FUNDC1: variants seen among roughly 807,000 people sequenced by gnomAD.
FUNDC1 encodes FUN14 domain-containing protein 1.
FUNDC1 carries 10 observed loss-of-function variants against 14.5 expected under a neutral mutation model. That is an observed-to-expected ratio of 0.69 (90% CI 0.43 to 1.17). FUNDC1 has a LOEUF of 1.17. Ranked by LOEUF, FUNDC1 falls within the 50% of genes most tolerant of loss-of-function variation. The pLI, the probability that FUNDC1 is intolerant of heterozygous loss-of-function variation, is 0.00. For synonymous variants in FUNDC1, 33 were observed against 39.7 expected (o/e 0.83, Z 0.64); for missense variants, 115 against 113.8 (o/e 1.01, Z -0.05).
chrX:44,524,273 T>G lies in FUNDC1; in HGVS notation c.393A>C (p.Ala131=). Residue 131 remains alanine (A), a splice_region_variant and synonymous_variant, in exon 5 of 5, where the codon GCA becomes GCC. Coordinates refer to ENST00000378045, the MANE Select transcript of FUNDC1 (RefSeq NM_173794.4). Reference sequence around the variant, plus strand: ...CAATGTTCTGCTTGATAAATTCTGTTGCCTGAAACAAAGTTTAAACAAAAA... The same window carrying G: ...CAATGTTCTGCTTGATAAATTCTGTGGCCTGAAACAAAGTTTAAACAAAAA... ...APEINNLIEE[A]TEFIKQNIVI... is the part of the protein sequence containing the mutation. 1 of 1,186,217 alleles carries G rather than the reference T, an allele frequency of 8.4e-7. No individual in the cohort carries two copies. Among genetic ancestry groups the G allele is most frequent in the Non-Finnish European group, 1.1e-6 (1 of 873,102 alleles).
Position 44,542,809 on chromosome X carries a change from G to T in FUNDC1, c.24C>A (p.Pro8=), listed in dbSNP as rs1320137915. 3 of 1,169,616 alleles carry T rather than the reference G, an allele frequency of 2.6e-6. No individual in the cohort carries two copies. The highest frequency in any genetic ancestry group is 2.5e-5 in the Admixed American group (1 of 39,354). MATRNPP[P]QDYESDDDSY... is the part of the protein sequence containing the mutation. ...CTTCGGGCCCTGGCCGCTCACCTTG[G>T]GGAGGGGGGTTCCGGGTCGCCATGA... The change falls in exon 1 of 5, where the codon CCC becomes CCA. Residue 8 remains proline, a synonymous_variant. Coordinates refer to ENST00000378045, the MANE Select transcript of FUNDC1 (RefSeq NM_173794.4).
At position 44,524,407 on chromosome X, in the gene FUNDC1, C is replaced by T. The variant is rs767515675; in HGVS notation, c.391-132G>A. On this transcript the variant is annotated intron_variant, in intron 4 of 4. Transcript: ENST00000378045. ...ACATGATTCTGCTCGTATGAGTAGT[C>T]AGAAAGCAGAATACAGATCATTAAG... 2.4e-4 allele frequency: 109 copies of T among 462,802 alleles called. 1 individual carries two copies. The South Asian group carries it at 3.5e-3, about 15-fold the overall frequency. 38.1% of individuals were successfully genotyped at this position (462,802 alleles called of 1,213,427 possible).
intron 1 of FUNDC1, 38 bp downstream of exon 1, chrX:44,542,767 C>G (rs1245817885): frequency 1.6e-5 from 18 of 1,148,367 alleles, no homozygotes; most frequent in Non-Finnish European, 1.2e-6. Context: ...GAGCTGTGAG[C>G]CGCGTCCCAG....
In FUNDC1 at chrX:44,536,890, A is replaced by G. The variant is rs17144662; in HGVS notation, c.261+1577T>C. ...TAAGATGGCAGTGTAATAAATATCTATTGGAAAACACTTGATATTGTTACT... is the reference window on the plus strand; with the variant it reads ...TAAGATGGCAGTGTAATAAATATCTGTTGGAAAACACTTGATATTGTTACT... On this transcript the variant is annotated intron_variant, in intron 3 of 4. Coordinates refer to ENST00000378045, the MANE Select transcript of FUNDC1 (RefSeq NM_173794.4). 8.5e-3 allele frequency among the ~76,000 whole-genome samples: 955 copies of G among 112,241 alleles called. 8 individuals carry two copies. Among genetic ancestry groups the G allele is most frequent in the African/African-American group, 0.029 (901 of 31,000 alleles).
intron 3 of FUNDC1, among the ~76,000 whole-genome samples, chrX:44,533,789 C>G (rs2038936673): frequency 9.1e-6 from 1 of 109,912 alleles, no homozygotes; most frequent in Non-Finnish European, 1.9e-5. Flanking sequence ...AACAGCCGGG[C>G]ATGGTGGCTC....
In FUNDC1 at chrX:44,538,550, C is replaced by A; in HGVS notation, c.186-8G>T. 9 of 1,170,731 alleles carry A rather than the reference C, an allele frequency of 7.7e-6. No homozygotes were observed. Among genetic ancestry groups the A allele is most frequent in the Non-Finnish European group, 1.0e-5 (9 of 859,379 alleles). On this transcript the variant is annotated splice_region_variant and splice_polypyrimidine_tract_variant and intron_variant, in intron 2 of 4. Coordinates refer to ENST00000378045, the MANE Select transcript of FUNDC1 (RefSeq NM_173794.4). ...AACAGAAATCCTGCACACCTTTAAT[C>A]AAATAACAAAAGATGAAAACAATCA...
At chrX:44,533,627 C>CAAAAAAAAAAAA (rs1156843539) in intron 3 of FUNDC1, among the ~76,000 whole-genome samples, 1 of 18,707 alleles carries the variant, frequency 5.3e-5, no homozygotes, top group Non-Finnish European at 9.0e-5. Flanking sequence ...GACTCCGTCT[C>CAAAAAAAAAAAA]AAAAAAAAAA....
At chrX:44,531,331 C>A (rs1328884432) in intron 3 of FUNDC1, among the ~76,000 whole-genome samples, 3 of 68,287 alleles carry the variant, frequency 4.4e-5, no homozygotes, top group African/African-American at 2.2e-4. Flanking sequence ...CACACACACA[C>A]ACACACACAC....
intron 4 of FUNDC1, among the ~76,000 whole-genome samples, chrX:44,526,417 G>A (rs183327963): frequency 9.9e-6 from 1 of 100,870 alleles, no homozygotes; most frequent in African/African-American, 3.6e-5. Flanking sequence ...GCTACAGGGC[G>A]AGAACCCGTC....
At chrX:44,536,743 T>G (rs2038950780) in intron 3 of FUNDC1, among the ~76,000 whole-genome samples, 1 of 111,027 alleles carries the variant, frequency 9.0e-6, no homozygotes, top group South Asian at 3.8e-4. Flanking sequence ...GATGGAAAAA[T>G]GGGGGTAGTG....
intron 3 of FUNDC1, among the ~76,000 whole-genome samples, chrX:44,536,483 A>G (rs1601903561): frequency 9.0e-6 from 1 of 111,216 alleles, no homozygotes; most frequent in Non-Finnish European, 1.9e-5. Flanking sequence ...CAATTATGAA[A>G]AAAGGGAAGT....
At chrX:44,525,515 G>C (rs1178810267) in intron 4 of FUNDC1, among the ~76,000 whole-genome samples, 2 of 109,350 alleles carry the variant, frequency 1.8e-5, no homozygotes, top group East Asian at 5.8e-4. Context: ...GAAAAAAAAA[G>C]CCACACAAGA....
intron 3 of FUNDC1, among the ~76,000 whole-genome samples, chrX:44,532,520 AAT>A (rs201392204): frequency 2.8e-5 from 3 of 106,385 alleles, no homozygotes; most frequent in Admixed American, 1.0e-4. Context: ...AAGAGGCTTA[AAT>A]ATATATATGT....
At chrX:44,527,421 A>G in intron 3 of FUNDC1, 56 bp from the exon 4 acceptor site, 4 of 868,199 alleles carry the variant, frequency 4.6e-6, no homozygotes, top group Non-Finnish European at 6.3e-6. Context: ...TGCTGACTAT[A>G]ATAGCCAAGA....
At chrX:44,526,397 T>G (rs1204521282) in intron 4 of FUNDC1, among the ~76,000 whole-genome samples, 1 of 103,685 alleles carries the variant, frequency 9.6e-6, no homozygotes, top group East Asian at 3.2e-4. Context: ...GCCACTGCAC[T>G]CCAGCCTGGG....
intron 3 of FUNDC1, among the ~76,000 whole-genome samples, chrX:44,533,642 A>C (rs2038935695): frequency 9.4e-6 from 1 of 105,962 alleles, no homozygotes; most frequent in Non-Finnish European, 1.9e-5. Flanking sequence ...AAAAAAAAAA[A>C]AAAAAAACAA....
chrX:44,531,298 A>ACAC lies in FUNDC1; in HGVS notation c.262-3934_262-3933insGTG, dbSNP rs1569187093. Among the ~76,000 whole-genome samples the ACAC allele has an allele frequency of 2.1e-3, 79 of 38,135 alleles. 8 individuals carry two copies. The highest frequency in any genetic ancestry group is 3.9e-3 in the African/African-American group (7 of 1,808). 33.1% of individuals were successfully genotyped at this position (38,135 alleles called of 115,157 possible). A position where few individuals can be genotyped will look rare whatever the true frequency, so the allele number is the denominator to read the frequency against. ...CACACACACACACGGCTTTCAGATG[A>ACAC]AGATTCATGTTGGCCAGACACACAC... On this transcript the variant is annotated intron_variant, in intron 3 of 4. Coordinates refer to ENST00000378045, the MANE Select transcript of FUNDC1 (RefSeq NM_173794.4).
chrX:44,527,924 T>C (rs1227016566), intron 3 of FUNDC1, among the ~76,000 whole-genome samples: 3 of 111,993 alleles, frequency 2.7e-5, no homozygotes. Flanking sequence ...TGGTAATTGC[T>C]TTTGAAAGTA....
chrX:44,535,018 C>T (rs774639686), intron 3 of FUNDC1, among the ~76,000 whole-genome samples: 2 of 111,133 alleles, frequency 1.8e-5, no homozygotes, highest in Non-Finnish European at 3.8e-5. Context: ...ATGTGGCACA[C>T]GCCTGTAATC....
Sources: gnomAD v4.1 joint callset for allele counts (sites outside exome capture counted in the v4.1 genomes callset) on GRCh38, gnomAD v4.1.1 for gene constraint, MANE v1.5 for transcripts, NCBI Gene and HGNC (gene_info 2026-07-23, HGNC 2026-07-21) for gene names.